Variants in SMARCB1 observed in about 807,000 individuals in gnomAD.
The protein encoded by SMARCB1 is SWI/SNF related BAF chromatin remodeling complex subunit B1.
SMARCB1 carries 5 observed loss-of-function variants against 49.0 expected under a neutral mutation model. The observed-to-expected ratio is 0.10, with a 90% CI of 0.05 to 0.21. The LOEUF is 0.21. Ranked by LOEUF, SMARCB1 falls within the 10% of genes least tolerant of loss-of-function variation. SMARCB1 has a pLI of 1.00. For synonymous variants in SMARCB1, 201 were observed against 200.1 expected (o/e 1.00, Z -0.04); for missense variants, 226 against 509.2 (o/e 0.44, Z 5.35).
chr22:23,794,320 C>G (rs1473401375), intron 3 of SMARCB1, among the ~76,000 whole-genome samples: 4 of 152,174 alleles, frequency 2.6e-5, no homozygotes, highest in African/African-American at 9.7e-5. Flanking sequence ...TAAGTTTCTT[C>G]TATATCATTG....
At chr22:23,815,500 C>T (rs1034130718) in intron 5 of SMARCB1, 1 of 151,380 alleles carries the variant, frequency 6.6e-6, no homozygotes, top group East Asian at 1.9e-4. Flanking sequence ...CGCCACTGCA[C>T]TCCATCCTGG....
intron 5 of SMARCB1, among the ~76,000 whole-genome samples, chr22:23,814,032 G>A (rs1930035050): frequency 6.6e-6 from 1 of 152,058 alleles, no homozygotes; most frequent in African/African-American, 2.4e-5. Flanking sequence ...GTATTACCAT[G>A]TTGGCCAGGT....
At position 23,836,939 on chromosome 22, in the gene SMARCB1, G is replaced by A. The variant is rs765574712; in HGVS notation, c.*2759G>A. Reference sequence around the variant, plus strand: ...GAGGGGCAGGTAATTGGGGTCTTCTGCAGGGGCATCCAGGAGCAGCTTTCT... The same window carrying A: ...GAGGGGCAGGTAATTGGGGTCTTCTACAGGGGCATCCAGGAGCAGCTTTCT... On this transcript the variant is annotated 3_prime_UTR_variant, in exon 9 of 9. Coordinates refer to ENST00000644036, the MANE Select transcript of SMARCB1 (RefSeq NM_003073.5). 5.1e-6 allele frequency: 8 copies of A among 1,580,830 alleles called. No homozygotes were observed. Among genetic ancestry groups the A allele is most frequent in the Non-Finnish European group, 6.9e-6 (8 of 1,164,598 alleles).
intron 4 of SMARCB1, 85 bp downstream of exon 4, chr22:23,801,166 A>G (rs1929128823): frequency 6.2e-7 from 1 of 1,602,562 alleles, no homozygotes; most frequent in Non-Finnish European, 8.5e-7. Context: ...CCCCAGAAAA[A>G]CACTCTGCTT....
At chr22:23,797,299 GT>G (rs1160510750) in intron 3 of SMARCB1, among the ~76,000 whole-genome samples, 6 of 136,576 alleles carry the variant, frequency 4.4e-5, no homozygotes, top group African/African-American at 9.3e-5. Flanking sequence ...GGCCTGGCCT[GT>G]TTTTTTTTAT....
At chr22:23,794,127 A>G (rs1928595368) in intron 3 of SMARCB1, among the ~76,000 whole-genome samples, 1 of 152,190 alleles carries the variant, frequency 6.6e-6, no homozygotes, top group East Asian at 1.9e-4. Context: ...TATTTTTGGT[A>G]GAGACGAGTC....
chr22:23,814,575 G>C (rs1930069588), intron 5 of SMARCB1, among the ~76,000 whole-genome samples: 1 of 151,916 alleles, frequency 6.6e-6, no homozygotes, highest in Admixed American at 6.6e-5. Context: ...TGAGGCAGGA[G>C]AATCGCTTGA....
chr22:23,819,370 G>A (rs1220518195), intron 6 of SMARCB1, among the ~76,000 whole-genome samples: 1 of 151,942 alleles, frequency 6.6e-6, no homozygotes, highest in East Asian at 1.9e-4. Flanking sequence ...TCACTCTGTT[G>A]CTCAGGCTGG....
intron 1 of SMARCB1, among the ~76,000 whole-genome samples, chr22:23,790,448 C>T (rs1272079911): frequency 2.6e-5 from 4 of 152,208 alleles, no homozygotes; most frequent in Admixed American, 1.3e-4. Flanking sequence ...ATAATCCTAG[C>T]ACTTTGGGAG....
rs1247300129 is a variant in SMARCB1, at chr22:23,787,199, C to T, written c.30C>T (p.Phe10=). ...TGATGATGGCGCTGAGCAAGACCTT[C>T]GGGCAGAAGCCCGTGAAGTTCCAGC... MMMMALSKT[F]GQKPVKFQLE... is the part of the protein sequence containing the mutation. The change falls in exon 1 of 9, where the codon TTC becomes TTT. Residue 10 remains phenylalanine, a synonymous_variant. Transcript: ENST00000644036. 3 of 1,608,630 alleles carry T rather than the reference C, an allele frequency of 1.9e-6. No individual in the cohort carries two copies. The East Asian group carries it at 6.7e-5, about 36-fold the overall frequency.
chr22:23,807,182 G>A (rs1434380434), intron 5 of SMARCB1, among the ~76,000 whole-genome samples: 1 of 152,180 alleles, frequency 6.6e-6, no homozygotes, highest in Non-Finnish European at 1.5e-5. Flanking sequence ...GATCCCCTCA[G>A]GAAGAGTTTT....
At chr22:23,828,352 CAT>C (rs2030489447) in intron 7 of SMARCB1, among the ~76,000 whole-genome samples, 1 of 151,016 alleles carries the variant, frequency 6.6e-6, no homozygotes, top group Non-Finnish European at 1.5e-5. Context: ...CGCTCGGCCA[CAT>C]GACTTCTTAA....
Position 23,837,458 on chromosome 22 carries a change from C to A in SMARCB1, c.*3278C>A. On this transcript the variant is annotated 3_prime_UTR_variant, in exon 9 of 9. Transcript: ENST00000644036. The stretch of plus-strand genomic sequence containing the variant: ...CAGGACCGTGCAAGCATCAGTAGAT[C>A]CGTCCTGACGATGCAAATTATGTGG... 1 of 664,394 alleles carries A rather than the reference C, an allele frequency of 1.5e-6. No homozygotes were observed. 41.2% of individuals were successfully genotyped at this position (664,394 alleles called of 1,614,324 possible). A position where few individuals can be genotyped will look rare whatever the true frequency, so the allele number is the denominator to read the frequency against.
chr22:23,813,874 G>T (rs1454699001), intron 5 of SMARCB1, among the ~76,000 whole-genome samples: 2 of 152,202 alleles, frequency 1.3e-5, no homozygotes, highest in Non-Finnish European at 2.9e-5. Context: ...CTTTTGCCCA[G>T]GCTGGAGTGC....
chr22:23,821,344 GC>G (rs1228067057), intron 6 of SMARCB1, among the ~76,000 whole-genome samples: 3 of 151,812 alleles, frequency 2.0e-5, no homozygotes, highest in African/African-American at 7.3e-5. Flanking sequence ...GTCCTGTCTT[GC>G]CCATGAGGAA....
intron 7 of SMARCB1, among the ~76,000 whole-genome samples, chr22:23,829,136 C>T (rs2030531433): frequency 6.6e-6 from 1 of 152,234 alleles, no homozygotes; most frequent in South Asian, 2.1e-4. Flanking sequence ...TGGCACCTCC[C>T]CTGGGCCAGC....
chr22:23,827,234 T>G (rs2030430586), intron 7 of SMARCB1, among the ~76,000 whole-genome samples: 1 of 152,224 alleles, frequency 6.6e-6, no homozygotes, highest in Admixed American at 6.5e-5. Flanking sequence ...GGTGTTGACC[T>G]TCACCTAGTC....
chr22:23,832,512 G>A (rs2030707223), intron 7 of SMARCB1, among the ~76,000 whole-genome samples: 1 of 152,160 alleles, frequency 6.6e-6, no homozygotes, highest in African/African-American at 2.4e-5. Flanking sequence ...AAGTGGAGGT[G>A]CCCAAGTGGA....
chr22:23,795,484 C>T (rs1266297858), intron 3 of SMARCB1, among the ~76,000 whole-genome samples: 2 of 151,950 alleles, frequency 1.3e-5, no homozygotes, highest in African/African-American at 4.8e-5. Flanking sequence ...GGTGAAGCCT[C>T]ATCTCTGCTA....
Sources: gnomAD v4.1 joint callset for allele counts (sites outside exome capture counted in the v4.1 genomes callset) on GRCh38, gnomAD v4.1.1 for gene constraint, MANE v1.5 for transcripts, NCBI Gene and HGNC (gene_info 2026-07-23, HGNC 2026-07-21) for gene names.